Variants in REPS2 observed in about 807,000 individuals in gnomAD.
REPS2 encodes the protein ralBP1-associated Eps domain-containing protein 2.
In REPS2, 23 loss-of-function variants were observed where a neutral mutation model predicts 53.6. That is an observed-to-expected ratio of 0.43 (90% CI 0.31 to 0.61). The LOEUF (loss-of-function observed/expected upper bound fraction) is 0.61, where lower values mean the gene tolerates loss of function less well. Ranked by LOEUF, REPS2 falls within the 20% of genes least tolerant of loss-of-function variation. REPS2 has a pLI of 0.11. For missense variants in REPS2, 446 were observed against 534.9 expected, an observed-to-expected ratio of 0.83 and a Z score of 1.64; for synonymous variants, 238 against 218.6, an observed-to-expected ratio of 1.09 and a Z score of -0.78.
At chrX:17,000,726 T>A (rs1271155546) in intron 1 of REPS2, among the ~76,000 whole-genome samples, 1 of 112,334 alleles carries the variant, frequency 8.9e-6, no homozygotes, top group Non-Finnish European at 1.9e-5. Context: ...CTGAGGACTT[T>A]TTTTTTTGGT....
the REPS2 span, among the ~76,000 whole-genome samples, chrX:17,162,482 A>G: frequency 8.9e-6 from 1 of 112,953 alleles, no homozygotes; most frequent in Non-Finnish European, 1.9e-5. Flanking sequence ...GTTTGAGTGC[A>G]TACTCAGGGC....
intron 1 of REPS2, among the ~76,000 whole-genome samples, chrX:16,971,331 A>T (rs115091129): frequency 0.034 from 3,806 of 112,099 alleles, 177 homozygotes; most frequent in African/African-American, 0.12. Flanking sequence ...TCCATTTTAA[A>T]TTGGGTTGTC....
intron 2 of REPS2, among the ~76,000 whole-genome samples, chrX:17,020,795 AT>A (rs757659481): frequency 9.0e-6 from 1 of 110,534 alleles, no homozygotes; most frequent in African/African-American, 3.3e-5. Context: ...CGCCTGGCTA[AT>A]TTTTGGTATT....
intron 17 of REPS2, among the ~76,000 whole-genome samples, chrX:17,141,146 A>C (rs2063441536): frequency 8.9e-6 from 1 of 111,983 alleles, no homozygotes; most frequent in Admixed American, 9.5e-5. Flanking sequence ...CCCCAAAAAG[A>C]TAGAGAATAT....
At chrX:17,060,901 G>A (rs1158609930) in intron 8 of REPS2, among the ~76,000 whole-genome samples, 2 of 111,729 alleles carry the variant, frequency 1.8e-5, no homozygotes, top group Non-Finnish European at 3.8e-5. Flanking sequence ...TGAGGGGCAC[G>A]GGTAGAAACC....
chrX:17,048,991 G>A (rs1253760372), intron 6 of REPS2, among the ~76,000 whole-genome samples: 1 of 111,778 alleles, frequency 8.9e-6, no homozygotes. Flanking sequence ...CGCCTCCCGG[G>A]TTCAAATGAT....
the REPS2 span, among the ~76,000 whole-genome samples, chrX:17,173,691 A>G: frequency 2.7e-5 from 3 of 112,102 alleles, no homozygotes; most frequent in East Asian, 5.6e-4. Flanking sequence ...TTGATACACT[A>G]TTTAATGAAT....
At chrX:17,179,385 A>G in the REPS2 span, among the ~76,000 whole-genome samples, 1 of 111,707 alleles carries the variant, frequency 9.0e-6, no homozygotes, top group Admixed American at 9.5e-5. Flanking sequence ...TCACCATGCT[A>G]TGAGAAAGCC....
chrX:17,010,919 T>A (rs2147810690), intron 2 of REPS2, among the ~76,000 whole-genome samples: 1 of 111,881 alleles, frequency 8.9e-6, no homozygotes, highest in South Asian at 3.7e-4. Flanking sequence ...CCTGGGTCCA[T>A]CTCCAGAAAT....
At position 16,973,141 on chromosome X, in the gene REPS2, T is replaced by G. The variant is rs137879638; in HGVS notation, c.273+26007T>G. Among the ~76,000 whole-genome samples, 372 of 112,138 alleles carry G rather than the reference T, an allele frequency of 3.3e-3. 14 individuals are homozygous for G. Among genetic ancestry groups the G allele is most frequent in the Admixed American group, 4.0e-3 (42 of 10,577 alleles). ...TTTGATGCTTTCTTATGAATAAGGTTGTTCATTTTTGGCAAGAATATAATG... is the reference window on the plus strand; with the variant it reads ...TTTGATGCTTTCTTATGAATAAGGTGGTTCATTTTTGGCAAGAATATAATG... On this transcript the variant is annotated intron_variant, in intron 1 of 17. Transcript: ENST00000357277.
chrX:17,081,617 G>T (rs920443510), intron 13 of REPS2, among the ~76,000 whole-genome samples: 5 of 112,575 alleles, frequency 4.4e-5, no homozygotes, highest in Admixed American at 1.9e-4. Flanking sequence ...GAGTGTGAAT[G>T]TGTGATTTAT....
intron 16 of REPS2, chrX:17,137,272 A>G (rs2063383593): frequency 9.0e-6 from 1 of 111,621 alleles, no homozygotes; most frequent in African/African-American, 3.3e-5. Flanking sequence ...GAGGGTTCCA[A>G]TTTCTCCATT....
At chrX:17,125,600 C>T (rs2063198765) in intron 14 of REPS2, among the ~76,000 whole-genome samples, 1 of 112,646 alleles carries the variant, frequency 8.9e-6, no homozygotes, top group Admixed American at 9.4e-5. Context: ...TTGGGAGCCA[C>T]TGGGCTAGAG....
At chrX:17,035,491 A>G (rs887378116) in intron 5 of REPS2, among the ~76,000 whole-genome samples, 5 of 110,354 alleles carry the variant, frequency 4.5e-5, no homozygotes, top group Non-Finnish European at 9.5e-5. Context: ...CTAACCTAAT[A>G]CTCAGCCCAG....
Position 17,029,551 on chromosome X carries a change from T to C in REPS2, c.699T>C (p.Leu233=). 10 of 1,210,159 alleles carry C rather than the reference T, an allele frequency of 8.3e-6. No homozygotes were observed. The highest frequency in any genetic ancestry group is 1.1e-5 in the Non-Finnish European group (10 of 894,076). Reference sequence around the variant, plus strand: ...CACCTTATGAAGCTAGGCAGCCCCTTGTCCAGCCCGAGGGATCCTCATCAG... The same window carrying C: ...CACCTTATGAAGCTAGGCAGCCCCTCGTCCAGCCCGAGGGATCCTCATCAG... ...HPAPYEARQP[L]VQPEGSSSGG... is the part of the protein sequence containing the mutation. Residue 233 remains leucine, a synonymous_variant, in exon 5 of 18, where the codon CTT becomes CTC. Coordinates refer to ENST00000357277, the MANE Select transcript of REPS2 (RefSeq NM_004726.3).
chrX:17,037,551 A>T lies in REPS2; in HGVS notation c.771+7928A>T, dbSNP rs553278930. Among the ~76,000 whole-genome samples, 176 of 112,596 alleles carry T rather than the reference A, an allele frequency of 1.6e-3. 3 individuals are homozygous for T. The South Asian group carries it at 0.06, about 39-fold the overall frequency. On this transcript the variant is annotated intron_variant, in intron 5 of 17. Transcript: ENST00000357277. ...GGGTGGTCTTGAACTCCTGACCTCA[A>T]GTGATTCACCCGCCTTGGCCTCCCA...
At chrX:17,116,445 A>G (rs951954306) in intron 14 of REPS2, among the ~76,000 whole-genome samples, 1 of 111,164 alleles carries the variant, frequency 9.0e-6, no homozygotes, top group African/African-American at 3.3e-5. Flanking sequence ...TCCTGGGCCC[A>G]AGCAGTCCTC....
chrX:17,083,242 G>A (rs1437615978), intron 13 of REPS2, among the ~76,000 whole-genome samples: 1 of 109,219 alleles, frequency 9.2e-6, no homozygotes, highest in African/African-American at 3.3e-5. Context: ...CTGCCACCAC[G>A]CCCTGCTAAT....
chrX:17,031,212 T>C (rs993124223), intron 5 of REPS2, among the ~76,000 whole-genome samples: 3 of 112,302 alleles, frequency 2.7e-5, no homozygotes, highest in African/African-American at 9.7e-5. Flanking sequence ...AAAATGTGGC[T>C]GTGTAGGTTC....
Sources: allele counts gnomAD v4.1 joint callset (sites outside exome capture counted in the v4.1 genomes callset), GRCh38; gene constraint gnomAD v4.1.1; transcripts MANE v1.5; gene names NCBI Gene and HGNC (gene_info 2026-07-23, HGNC 2026-07-21).